Variants in ZNF362 observed in about 807,000 individuals in gnomAD.
The protein encoded by ZNF362 is zinc finger protein 362, also known as rotund homolog.
In ZNF362, 11 loss-of-function variants were observed where a neutral mutation model predicts 42.9. That is an observed-to-expected ratio of 0.26 (90% CI 0.16 to 0.42). ZNF362 has a LOEUF of 0.42. Among genes scored for constraint, ZNF362 ranks in the 20% least tolerant of loss-of-function variants. The pLI is 1.00. For missense variants in ZNF362, 362 were observed against 576.2 expected (o/e 0.63, Z 3.81); for synonymous variants, 255 against 257.3 (o/e 0.99, Z 0.09).
chr1:33,198,571 G>A, the ZNF362 span, among the ~76,000 whole-genome samples: 1 of 152,134 alleles, frequency 6.6e-6, no homozygotes, highest in African/African-American at 2.4e-5. Flanking sequence ...GGAGGCTGAG[G>A]TGGGAGGATC....
chr1:33,245,215 A>C, the ZNF362 span, among the ~76,000 whole-genome samples: 1 of 152,196 alleles, frequency 6.6e-6, no homozygotes, highest in Non-Finnish European at 1.5e-5. Flanking sequence ...TAATCCACTC[A>C]ACCACCATTT....
At chr1:33,272,363 C>T (rs1286299123) in intron 2 of ZNF362, among the ~76,000 whole-genome samples, 2 of 152,102 alleles carry the variant, frequency 1.3e-5, no homozygotes, top group African/African-American at 2.4e-5. Context: ...GGTTCCCCAG[C>T]GCTGGTCCCA....
At position 33,295,322 on chromosome 1, in the gene ZNF362, C is replaced by A; in HGVS notation, c.1146+17C>A. On this transcript the variant is annotated intron_variant, in intron 8 of 8. Transcript: ENST00000539719. ...TACACCTCGGTGAGTGCCGGTCGGC[C>A]TGTGCCCTGCCCCGGGGGAGCCACT... The A allele has an allele frequency of 6.2e-7, 1 of 1,611,496 alleles. No individual in the cohort carries two copies.
the ZNF362 span, among the ~76,000 whole-genome samples, chr1:33,169,682 A>C: frequency 3.9e-5 from 6 of 152,224 alleles, no homozygotes; most frequent in South Asian, 2.1e-4. Flanking sequence ...GCTGTTCAAT[A>C]CGACACACGT....
intron 4 of ZNF362, among the ~76,000 whole-genome samples, 181 bp from the exon 5 acceptor site, chr1:33,279,943 A>T (rs1645979109): frequency 6.6e-6 from 1 of 152,182 alleles, no homozygotes; most frequent in Admixed American, 6.5e-5. Context: ...ATCTAACTCA[A>T]TTTAATCTTA....
At chr1:33,265,964 A>C (rs1645862428) in intron 1 of ZNF362, among the ~76,000 whole-genome samples, 1 of 152,128 alleles carries the variant, frequency 6.6e-6, no homozygotes, top group African/African-American at 2.4e-5. Context: ...TTGCACATGC[A>C]GTTCTTTCCA....
At chr1:33,147,101 C>T in the ZNF362 span, 1 of 1,530,700 alleles carries the variant, frequency 6.5e-7, no homozygotes, top group Non-Finnish European at 8.9e-7. This position sits in a 1 kb window ranked among gnomAD's most constrained non-coding sequence, Gnocchi z 8.1. Context: ...GGCTGGAGTC[C>T]AGGTCTTCTA....
the ZNF362 span, among the ~76,000 whole-genome samples, chr1:33,173,390 C>T: frequency 3.9e-5 from 6 of 152,142 alleles, no homozygotes; most frequent in South Asian, 4.1e-4. Context: ...TCAATGGGTG[C>T]GTGCATGTGT....
chr1:33,263,646 G>A (rs1292136273), intron 1 of ZNF362, among the ~76,000 whole-genome samples: 1 of 152,094 alleles, frequency 6.6e-6, no homozygotes, highest in Non-Finnish European at 1.5e-5. Context: ...CCTGACCTCA[G>A]GTGATCCACC....
chr1:33,191,154 T>G, the ZNF362 span, among the ~76,000 whole-genome samples: 297 of 152,372 alleles, frequency 1.9e-3, 1 homozygote, highest in South Asian at 0.019. Context: ...CTTAGCATTC[T>G]CTTTTTACCT....
chr1:33,249,702 A>G, the ZNF362 span, among the ~76,000 whole-genome samples: 1 of 152,288 alleles, frequency 6.6e-6, no homozygotes, highest in East Asian at 1.9e-4. Context: ...TGGGAGGTAC[A>G]GATGAGAAGG....
the ZNF362 span, chr1:33,165,633 A>C: frequency 7.2e-7 from 1 of 1,389,870 alleles, no homozygotes; most frequent in South Asian, 1.4e-5. The surrounding 1 kb of genome is among the most constrained non-coding windows in gnomAD (Gnocchi z 4.0). Flanking sequence ...AGCCCTGACC[A>C]CTGCCAGGCG....
chr1:33,237,944 C>T, the ZNF362 span, among the ~76,000 whole-genome samples: 121 of 152,296 alleles, frequency 7.9e-4, 1 homozygote, highest in East Asian at 0.015. Flanking sequence ...CAGAGTTTAA[C>T]ACAGGATTGA....
the ZNF362 span, among the ~76,000 whole-genome samples, chr1:33,234,862 G>T: frequency 6.6e-6 from 1 of 152,180 alleles, no homozygotes; most frequent in Non-Finnish European, 1.5e-5. Context: ...AGATCAAAGA[G>T]TGGTTTCCCA....
Position 33,294,378 on chromosome 1 carries a change from G to C in ZNF362, c.909-559G>C, listed in dbSNP as rs1019529729. ...AGGGACAGAAGGAGCTCTCAGGAAG[G>C]ACACAGAGGGGCTGAGCTTCAGGGC... On this transcript the variant is annotated intron_variant, in intron 6 of 8. Transcript: ENST00000539719. The surrounding 1 kb of genome is among the most constrained non-coding windows in gnomAD (Gnocchi z 4.2). 3.9e-5 allele frequency among the ~76,000 whole-genome samples: 6 copies of C among 152,192 alleles called. No homozygotes were observed. The highest frequency in any genetic ancestry group is 5.9e-5 in the Non-Finnish European group (4 of 68,028).
the ZNF362 span, among the ~76,000 whole-genome samples, chr1:33,216,356 T>C: frequency 2.1e-5 from 3 of 145,570 alleles, no homozygotes; most frequent in Non-Finnish European, 3.0e-5. Flanking sequence ...AATCCCAGCA[T>C]TTTGGGAGGC....
At chr1:33,141,035 G>A in the ZNF362 span, among the ~76,000 whole-genome samples, 1 of 152,194 alleles carries the variant, frequency 6.6e-6, no homozygotes, top group African/African-American at 2.4e-5. Flanking sequence ...CTTTGCATCT[G>A]TGTCTCAGTT....
the ZNF362 span, among the ~76,000 whole-genome samples, chr1:33,236,931 C>T: frequency 4.0e-5 from 6 of 151,490 alleles, no homozygotes; most frequent in East Asian, 2.0e-4. Flanking sequence ...ATTAGCTGGG[C>T]GTGGTGGTAC....
At chr1:33,143,357 C>G in the ZNF362 span, 1 of 152,264 alleles carries the variant, frequency 6.6e-6, no homozygotes, top group Non-Finnish European at 1.5e-5. Context: ...GGAGGGGGTG[C>G]TCCGACCCCA....
Sources: gnomAD v4.1 joint callset for allele counts (sites outside exome capture counted in the v4.1 genomes callset) on GRCh38, gnomAD v4.1.1 for gene constraint, Gnocchi (gnomAD v3.1) non-coding constraint, MANE v1.5 for transcripts, NCBI Gene and HGNC (gene_info 2026-07-23, HGNC 2026-07-21) for gene names.